Variants in PRKG1 observed in about 807,000 individuals in gnomAD.
PRKG1 encodes the protein cGMP-dependent protein kinase 1.
PRKG1 carries 35 observed loss-of-function variants against 88.1 expected under a neutral mutation model. The observed-to-expected ratio is 0.40, with a 90% confidence interval of 0.30 to 0.53. The LOEUF (loss-of-function observed/expected upper bound fraction) is 0.53. Ranked by LOEUF, PRKG1 falls within the 20% of genes least tolerant of loss-of-function variation. The pLI is 0.59. For missense variants in PRKG1, 540 were observed against 839.8 expected (o/e 0.64, Z 4.41); for synonymous variants, 303 against 292.5 (o/e 1.04, Z -0.37).
chr10:51,244,914 T>C (rs1018573805), intron 2 of PRKG1: 1 of 152,022 alleles, frequency 6.6e-6, no homozygotes, highest in African/African-American at 2.4e-5. Flanking sequence ...CGTTTTCCTT[T>C]GTGAATACTG....
At chr10:52,113,445 G>A (rs549365732) in intron 7 of PRKG1, among the ~76,000 whole-genome samples, 24 of 152,022 alleles carry the variant, frequency 1.6e-4, no homozygotes, top group African/African-American at 5.5e-4. Flanking sequence ...GAAAGAGGGA[G>A]TGTAAGGGAA....
chr10:51,225,608 T>G lies in PRKG1; in HGVS notation c.478+72278T>G, dbSNP rs146320117. Among the ~76,000 whole-genome samples, 351 of 152,220 alleles carry G rather than the reference T, an allele frequency of 2.3e-3. 3 individuals are homozygous for G. The highest frequency in any genetic ancestry group is 3.8e-3 in the Non-Finnish European group (260 of 68,014). On this transcript the variant is annotated intron_variant, in intron 2 of 17. Transcript: ENST00000373980. ...TCTCTGCCATTGCTAAAGTAGAAAA[T>G]TATGTTTTCTTAACTTTTTGTTTAT...
chr10:52,180,193 G>A (rs1402508940), intron 9 of PRKG1, among the ~76,000 whole-genome samples: 1 of 152,066 alleles, frequency 6.6e-6, no homozygotes, highest in Non-Finnish European at 1.5e-5. Context: ...TGTTTGGTTA[G>A]TCTGTTGTTG....
intron 5 of PRKG1, among the ~76,000 whole-genome samples, chr10:51,987,909 C>A (rs534812485): frequency 6.7e-4 from 102 of 152,042 alleles, no homozygotes; most frequent in African/African-American, 2.4e-3. Flanking sequence ...CTGAATGCTA[C>A]AAAAATAATA....
In PRKG1 at chr10:52,069,123, G is replaced by A. The variant is rs1238470719; in HGVS notation, c.935+6492G>A. On this transcript the variant is annotated intron_variant, in intron 7 of 17. Coordinates refer to ENST00000373980, the MANE Select transcript of PRKG1 (RefSeq NM_006258.4). ...GAATAGACATTAATATTAGAAATCT[G>A]TATTTCCTTATTTGTTTTCACTTCA... 4.6e-5 allele frequency among the ~76,000 whole-genome samples: 7 copies of A among 152,202 alleles called. No individual in the cohort carries two copies. In the East Asian group the frequency reaches 7.7e-4, roughly 17 times the overall value.
At chr10:51,941,759 C>T (rs1471410792) in intron 5 of PRKG1, among the ~76,000 whole-genome samples, 3 of 151,756 alleles carry the variant, frequency 2.0e-5, no homozygotes, top group Non-Finnish European at 4.4e-5. Context: ...CAATTTCATC[C>T]ATGTCCCTAC....
intron 3 of PRKG1, among the ~76,000 whole-genome samples, chr10:51,549,415 C>A (rs866142362): frequency 1.3e-5 from 2 of 151,808 alleles, no homozygotes; most frequent in African/African-American, 4.8e-5. Context: ...AGACACCCTG[C>A]CTAAACTAAT....
chr10:51,970,001 T>TACACACACACACACAC (rs35117709), intron 5 of PRKG1, among the ~76,000 whole-genome samples: 35 of 144,590 alleles, frequency 2.4e-4, no homozygotes, highest in Middle Eastern at 3.5e-3. Flanking sequence ...ATTCTCTTCA[T>TACACACACACACACAC]ACACACACAC....
intron 8 of PRKG1, among the ~76,000 whole-genome samples, chr10:52,147,761 G>A (rs2134768): frequency 0.68 from 103,471 of 151,960 alleles, 35,996 homozygotes; most frequent in Non-Finnish European, 0.76. Flanking sequence ...GACCGGATGG[G>A]CTTGGGTAAA....
intron 3 of PRKG1, among the ~76,000 whole-genome samples, chr10:51,553,986 A>G (rs12247846): frequency 0.13 from 13,946 of 109,842 alleles, 2,188 homozygotes; most frequent in Middle Eastern, 0.2. Flanking sequence ...CATATTATAT[A>G]TGCGTATGTG....
At chr10:51,215,252 G>T (rs940668084) in intron 2 of PRKG1, among the ~76,000 whole-genome samples, 2 of 152,148 alleles carry the variant, frequency 1.3e-5, no homozygotes, top group Non-Finnish European at 2.9e-5. Flanking sequence ...GAAAGAATCC[G>T]CAAATGCTTA....
intron 3 of PRKG1, among the ~76,000 whole-genome samples, chr10:51,520,793 A>G (rs1841716791): frequency 6.6e-6 from 1 of 152,248 alleles, no homozygotes; most frequent in Admixed American, 6.5e-5. Context: ...GGAATTGTAG[A>G]ATGAATTATG....
chr10:52,288,316 T>C (rs766048192), intron 14 of PRKG1, among the ~76,000 whole-genome samples: 9 of 151,828 alleles, frequency 5.9e-5, no homozygotes, highest in Non-Finnish European at 1.3e-4. Context: ...TCCCAGTGAG[T>C]GAGGGTGGTA....
At chr10:51,025,795 A>T (rs945620386) in intron 1 of PRKG1, among the ~76,000 whole-genome samples, 35 of 152,160 alleles carry the variant, frequency 2.3e-4, no homozygotes, top group African/African-American at 8.0e-4. Flanking sequence ...GATTCTCATA[A>T]ATTAGATCTT....
At position 51,784,945 on chromosome 10, in the gene PRKG1, A is replaced by C. The variant is rs778660556; in HGVS notation, c.593-19640A>C. Among the ~76,000 whole-genome samples the C allele has an allele frequency of 3.9e-5, 6 of 152,234 alleles. No homozygotes were observed. The East Asian group carries it at 7.7e-4, about 20-fold the overall frequency. On this transcript the variant is annotated intron_variant, in intron 3 of 17. Coordinates refer to ENST00000373980, the MANE Select transcript of PRKG1 (RefSeq NM_006258.4). ...TGTGACAGGTGAGCAATTAGTGTAA[A>C]GACTATGACTAATTAAAATAAATTT...
intron 3 of PRKG1, among the ~76,000 whole-genome samples, chr10:51,611,628 A>G (rs1332881632): frequency 6.7e-6 from 1 of 150,170 alleles, no homozygotes; most frequent in African/African-American, 2.4e-5. Flanking sequence ...GAAGCCTTTA[A>G]TTTAATATAG....
intron 4 of PRKG1, among the ~76,000 whole-genome samples, chr10:51,898,839 A>AT (rs147448071): frequency 0.01 from 1,567 of 152,058 alleles, 29 homozygotes; most frequent in African/African-American, 0.035. Flanking sequence ...AAGAAATAAT[A>AT]TTTTTTTCTT....
chr10:51,178,165 T>C (rs1302267492), intron 2 of PRKG1, among the ~76,000 whole-genome samples: 1 of 150,920 alleles, frequency 6.6e-6, no homozygotes. Flanking sequence ...CGTAGATATA[T>C]TGAGTGATTA....
intron 2 of PRKG1, among the ~76,000 whole-genome samples, chr10:51,182,915 A>G (rs1218995892): frequency 2.0e-5 from 3 of 152,182 alleles, no homozygotes; most frequent in African/African-American, 7.2e-5. Context: ...TCCTGGCATG[A>G]AAGGGTTGAA....
Sources: gnomAD v4.1 joint callset for allele counts (sites outside exome capture counted in the v4.1 genomes callset) on GRCh38, gnomAD v4.1.1 for gene constraint, MANE v1.5 for transcripts, NCBI Gene and HGNC (gene_info 2026-07-23, HGNC 2026-07-21) for gene names.